Variants in MYZAP observed in about 807,000 individuals in gnomAD.
MYZAP encodes myocardial zonula adherens protein, also known as GRINL1A complex locus upstream.
In MYZAP, 66 loss-of-function variants were observed where a neutral mutation model predicts 69.4. That is an observed-to-expected ratio of 0.95 (90% CI 0.78 to 1.17). MYZAP has a LOEUF of 1.17. Among genes scored for constraint, MYZAP ranks in the 50% most tolerant of loss-of-function variants. MYZAP has a pLI of 0.00. For synonymous variants in MYZAP, 256 were observed against 205.9 expected (o/e 1.24, Z -2.09); for missense variants, 611 against 556.2 (o/e 1.10, Z -0.99).
chr15:57,676,721 G>A (rs1039483332), intron 12 of MYZAP, among the ~76,000 whole-genome samples: 6 of 151,838 alleles, frequency 4.0e-5, no homozygotes, highest in East Asian at 1.9e-4. Flanking sequence ...TCTAATTCCC[G>A]CATTTTGGCT....
intron 8 of MYZAP, among the ~76,000 whole-genome samples, chr15:57,634,194 G>T (rs146606365): frequency 1.2e-3 from 176 of 152,262 alleles, no homozygotes; most frequent in Middle Eastern, 3.4e-3. Context: ...TGAGTGTGGT[G>T]GGGGAACCTG....
Position 57,596,264 on chromosome 15 carries a change from T to C in MYZAP, c.75+4155T>C, listed in dbSNP as rs141278341. On this transcript the variant is annotated intron_variant, in intron 1 of 12. Transcript: ENST00000267853. ...GTAGTTTACCTATGCTGTGCATCCATATCTGAACAAGAGACCTGGAGGCTG... is the reference window on the plus strand; with the variant it reads ...GTAGTTTACCTATGCTGTGCATCCACATCTGAACAAGAGACCTGGAGGCTG... 2.1e-3 allele frequency among the ~76,000 whole-genome samples: 327 copies of C among 152,312 alleles called. 3 individuals carry two copies. Among genetic ancestry groups the C allele is most frequent in the African/African-American group, 7.6e-3 (317 of 41,570 alleles).
intron 7 of MYZAP, 135 bp from the exon 8 acceptor site, chr15:57,633,478 C>A: frequency 7.8e-7 from 1 of 1,286,812 alleles, no homozygotes; most frequent in African/African-American, 1.5e-5. Context: ...AGTTCATGAT[C>A]TGTGAGACAC....
At chr15:57,594,032 G>A (rs760545272) in intron 1 of MYZAP, among the ~76,000 whole-genome samples, 2 of 152,196 alleles carry the variant, frequency 1.3e-5, no homozygotes, top group Non-Finnish European at 2.9e-5. Context: ...AAGTGGTGAT[G>A]GTTATAGTGG....
intron 8 of MYZAP, among the ~76,000 whole-genome samples, chr15:57,636,739 C>G (rs142363166): frequency 6.6e-6 from 1 of 152,084 alleles, no homozygotes; most frequent in Non-Finnish European, 1.5e-5. Context: ...AGAAATGATT[C>G]CAGACTCTTT....
intron 12 of MYZAP, 36 bp downstream of exon 12, chr15:57,675,104 A>G (rs767630269): frequency 2.6e-6 from 4 of 1,550,012 alleles, no homozygotes; most frequent in Non-Finnish European, 3.5e-6. Context: ...TTTTTATTCA[A>G]ATTCCTCTTT....
chr15:57,609,043 T>C (rs989212230), intron 2 of MYZAP, among the ~76,000 whole-genome samples: 1 of 152,222 alleles, frequency 6.6e-6, no homozygotes, highest in Non-Finnish European at 1.5e-5. Flanking sequence ...ACTTGGCACC[T>C]AGCCACGTGC....
chr15:57,602,680 A>G (rs1387026964), intron 1 of MYZAP, among the ~76,000 whole-genome samples: 1 of 152,192 alleles, frequency 6.6e-6, no homozygotes, highest in Non-Finnish European at 1.5e-5. Context: ...GGGGACCATG[A>G]GTATAAGAGC....
intron 4 of MYZAP, among the ~76,000 whole-genome samples, chr15:57,622,162 A>G (rs1427571454): frequency 6.6e-6 from 1 of 152,182 alleles, no homozygotes; most frequent in African/African-American, 2.4e-5. Context: ...AGGGTATAAA[A>G]TTTTATACAC....
intron 8 of MYZAP, 60 bp from the exon 9 acceptor site, chr15:57,637,635 A>G (rs1183881710): frequency 7.6e-6 from 12 of 1,572,204 alleles, no homozygotes; most frequent in Non-Finnish European, 8.7e-6. Context: ...ATTGCTAAAT[A>G]GACATTCTCT....
chr15:57,635,326 T>C (rs2036752296), intron 8 of MYZAP, among the ~76,000 whole-genome samples: 1 of 152,218 alleles, frequency 6.6e-6, no homozygotes, highest in Non-Finnish European at 1.5e-5. Flanking sequence ...TTTGTGGCTA[T>C]GATTTTTACT....
intron 1 of MYZAP, among the ~76,000 whole-genome samples, chr15:57,593,522 G>A (rs1029730889): frequency 3.3e-5 from 5 of 152,256 alleles, no homozygotes; most frequent in Admixed American, 1.3e-4. Context: ...GGATTAGTTG[G>A]GGTACCTAAC....
chr15:57,639,214 AT>A (rs5812905), intron 9 of MYZAP, among the ~76,000 whole-genome samples: 4,609 of 145,382 alleles, frequency 0.032, 77 homozygotes, highest in Middle Eastern at 0.094. Context: ...TTATTTATTT[AT>A]TTTTTTTTTT....
Position 57,646,939 on chromosome 15 carries a change from G to A in MYZAP, c.1119+7394G>A, listed in dbSNP as rs2037476403. 9 of 985,296 alleles carry A rather than the reference G, an allele frequency of 9.1e-6. No individual in the cohort carries two copies. In the South Asian group the frequency reaches 3.8e-4, roughly 41 times the overall value. The allele number at this position is 985,296 out of a possible 1,614,324, so 61.0% of individuals were successfully genotyped here. On this transcript the variant is annotated intron_variant, in intron 10 of 12. Transcript: ENST00000267853. Reference sequence around the variant, plus strand: ...GAGGTCTTTCTTGAGATTGCTGCAGGCATTGGTGTTTTATCAGAACATGGC... The same window carrying A: ...GAGGTCTTTCTTGAGATTGCTGCAGACATTGGTGTTTTATCAGAACATGGC...
intron 12 of MYZAP, among the ~76,000 whole-genome samples, chr15:57,681,248 G>A (rs4774280): frequency 0.86 from 131,432 of 152,172 alleles, 59,151 homozygotes; most frequent in Non-Finnish European, 0.98. Context: ...GGTCAGGTCA[G>A]TGGGGCCTCC....
intron 12 of MYZAP, 119 bp from the exon 13 acceptor site, chr15:57,684,280 CATT>C (rs1411832190): frequency 1.8e-5 from 12 of 675,886 alleles, no homozygotes; most frequent in African/African-American, 3.6e-5. Flanking sequence ...TATTAAGCTG[CATT>C]ATTGTCTTTT....
chr15:57,629,636 A>C, intron 5 of MYZAP, 66 bp from the exon 6 acceptor site: 1 of 1,556,102 alleles, frequency 6.4e-7, no homozygotes, highest in Admixed American at 2.0e-5. Context: ...ATGCCCCAGC[A>C]TGTGGTGCAG....
chr15:57,663,158 A>G (rs904831215), intron 11 of MYZAP, among the ~76,000 whole-genome samples: 1 of 152,180 alleles, frequency 6.6e-6, no homozygotes, highest in African/African-American at 2.4e-5. Context: ...CACAGGAGAG[A>G]GGAAAGACAG....
intron 8 of MYZAP, among the ~76,000 whole-genome samples, chr15:57,636,143 T>C (rs1484073646): frequency 1.3e-5 from 2 of 152,146 alleles, no homozygotes; most frequent in African/African-American, 2.4e-5. Context: ...TTTTTTGTTT[T>C]TTTTTTCTTT....
Sources: allele counts gnomAD v4.1 joint callset (sites outside exome capture counted in the v4.1 genomes callset), GRCh38; gene constraint gnomAD v4.1.1; transcripts MANE v1.5; gene names NCBI Gene and HGNC (gene_info 2026-07-23, HGNC 2026-07-21).